ZFHX3: variants seen among roughly 807,000 people sequenced by gnomAD.
ZFHX3 encodes the protein zinc finger homeobox 3, also known as zinc finger homeobox protein 3.
ZFHX3 carries 42 observed loss-of-function variants against 279.1 expected under a neutral mutation model. The ratio of observed to expected loss-of-function variants is 0.15; its 90% confidence interval spans 0.12 to 0.19. The LOEUF (loss-of-function observed/expected upper bound fraction) is 0.19, where lower values mean the gene tolerates loss of function less well. ZFHX3 is among the 10% of genes least tolerant of loss of function. ZFHX3 has a pLI of 1.00. For missense variants in ZFHX3, 4,981 were observed against 4,754.0 expected (o/e 1.05, Z -1.40); for synonymous variants, 2,293 against 1,957.8 (o/e 1.17, Z -4.52).
intron 4 of ZFHX3, among the ~76,000 whole-genome samples, chr16:72,869,366 A>C (rs1298247398): frequency 7.0e-6 from 1 of 142,120 alleles, no homozygotes; most frequent in Non-Finnish European, 1.5e-5. Context: ...GAACACACTG[A>C]TGAGAGCTAA....
intron 3 of ZFHX3, among the ~76,000 whole-genome samples, chr16:73,443,327 A>G (rs1243777497): frequency 6.6e-6 from 1 of 152,200 alleles, no homozygotes; most frequent in Non-Finnish European, 1.5e-5. Context: ...CTGTGTGTAC[A>G]TTTTTCTTAA....
At chr16:73,578,572 T>G (rs896151171) in intron 2 of ZFHX3, among the ~76,000 whole-genome samples, 1 of 152,094 alleles carries the variant, frequency 6.6e-6, no homozygotes, top group Non-Finnish European at 1.5e-5. Flanking sequence ...AACACTAACA[T>G]GTAATACAAA....
intron 3 of ZFHX3, among the ~76,000 whole-genome samples, chr16:73,334,847 T>A (rs2015882176): frequency 9.2e-6 from 1 of 109,252 alleles, no homozygotes; most frequent in Non-Finnish European, 1.9e-5. Flanking sequence ...GCAAAATGAA[T>A]GCTTTCTGAA....
At chr16:73,173,008 G>GTTTTTTTTTTTTTTTT (rs869289153) in intron 5 of ZFHX3, among the ~76,000 whole-genome samples, 1 of 49,956 alleles carries the variant, frequency 2.0e-5, no homozygotes, top group Non-Finnish European at 3.2e-5. Flanking sequence ...TTTTTTTTTT[G>GTTTTTTTTTTTTTTTT]TTTTTTTTTT....
At chr16:72,970,491 C>T (rs892428337) in intron 1 of ZFHX3, among the ~76,000 whole-genome samples, 27 of 152,114 alleles carry the variant, frequency 1.8e-4, no homozygotes, top group Non-Finnish European at 3.1e-4. Context: ...GACTGGTGCT[C>T]CTGACTTGGA....
intron 7 of ZFHX3, among the ~76,000 whole-genome samples, chr16:73,122,844 G>A (rs890180500): frequency 6.6e-6 from 1 of 152,020 alleles, no homozygotes; most frequent in African/African-American, 2.4e-5. Flanking sequence ...GTGGAGGAGC[G>A]AGAAGGAGAG....
At chr16:73,658,852 C>A (rs1478920660) in intron 2 of ZFHX3, among the ~76,000 whole-genome samples, 1 of 152,022 alleles carries the variant, frequency 6.6e-6, no homozygotes, top group Non-Finnish European at 1.5e-5. Context: ...AGTATAACAA[C>A]CAAAATTTCC....
chr16:73,206,375 A>G (rs947877258), intron 5 of ZFHX3, among the ~76,000 whole-genome samples: 1 of 152,180 alleles, frequency 6.6e-6, no homozygotes, highest in East Asian at 1.9e-4. Context: ...ATAGTTAATG[A>G]AGAGATCTGG....
chr16:73,393,130 T>C (rs1478926020), intron 3 of ZFHX3, among the ~76,000 whole-genome samples: 2 of 152,198 alleles, frequency 1.3e-5, no homozygotes, highest in Non-Finnish European at 2.9e-5. Context: ...CCACCATGCC[T>C]GGCCAGGAAA....
chr16:73,659,927 C>T (rs2052763191), intron 2 of ZFHX3, among the ~76,000 whole-genome samples: 1 of 152,032 alleles, frequency 6.6e-6, no homozygotes, highest in Non-Finnish European at 1.5e-5. Context: ...ATTGATGGAG[C>T]GAGGTTGGTC....
chr16:73,722,271 T>A (rs543558331), intron 1 of ZFHX3, among the ~76,000 whole-genome samples: 5 of 152,284 alleles, frequency 3.3e-5, no homozygotes, highest in East Asian at 3.9e-4. Flanking sequence ...GAGGGTGATA[T>A]GGTACTCGAT....
Position 72,797,378 on chromosome 16 carries a change from C to A in ZFHX3, c.5304G>T (p.Gln1768His). The A allele has an allele frequency of 1.2e-6, 2 of 1,604,280 alleles. No individual in the cohort carries two copies. Among genetic ancestry groups the A allele is most frequent in the South Asian group, 1.1e-5 (1 of 88,370 alleles). ...GGAGGGTGGGGTTAAACAGCTGAGA[C>A]TGGATCAGGGCAGCCTGTTGCTGCA... is the stretch of plus-strand genomic sequence containing the variant. ...QELQQQAALI[Q>H]SQLFNPTLLP... The change falls in exon 9 of 10, where the codon CAG (glutamine) becomes CAT (histidine). Residue 1768 changes from glutamine to histidine, a missense_variant. Physicochemically the swap from Gln to His is conservative, Grantham distance 24. Around this residue, in one of 7 missense-constraint regions of ZFHX3, gnomAD observed 1,751 missense variants for 1,770.0 expected, o/e 0.99. Transcript: ENST00000268489.
intron 2 of ZFHX3, among the ~76,000 whole-genome samples, chr16:73,512,310 T>C (rs1357987778): frequency 7.0e-6 from 1 of 141,990 alleles, no homozygotes; most frequent in Non-Finnish European, 1.5e-5. Flanking sequence ...TAGCTGGGCA[T>C]GGTGGTGCGT....
intron 1 of ZFHX3, among the ~76,000 whole-genome samples, chr16:73,039,020 G>A (rs574279417): frequency 1.3e-5 from 2 of 150,876 alleles, no homozygotes; most frequent in African/African-American, 2.4e-5. Flanking sequence ...GGCTGGCCTC[G>A]AACCCCTGGG....
At chr16:72,888,175 A>C (rs924078439) in intron 4 of ZFHX3, among the ~76,000 whole-genome samples, 2 of 152,226 alleles carry the variant, frequency 1.3e-5, no homozygotes, top group Admixed American at 1.3e-4. Flanking sequence ...TTCTCCATAA[A>C]GTTTATGTAA....
intron 2 of ZFHX3, among the ~76,000 whole-genome samples, chr16:73,507,628 T>C (rs983974206): frequency 2.0e-5 from 3 of 151,440 alleles, no homozygotes; most frequent in African/African-American, 7.3e-5. Flanking sequence ...CCCAAGTAGC[T>C]GGGACTACAG....
chr16:72,918,869 T>G (rs1018732560), intron 3 of ZFHX3, among the ~76,000 whole-genome samples: 1 of 151,984 alleles, frequency 6.6e-6, no homozygotes, highest in African/African-American at 2.4e-5. Flanking sequence ...CTAATTTTTT[T>G]GTATTTTTAG....
At chr16:72,830,640 C>T (rs1746307492) in intron 4 of ZFHX3, among the ~76,000 whole-genome samples, 5 of 152,194 alleles carry the variant, frequency 3.3e-5, no homozygotes, top group Admixed American at 2.0e-4. Flanking sequence ...AGAATGACGG[C>T]TGCCAACGCT....
At chr16:73,821,084 G>T (rs193409) in intron 1 of ZFHX3, among the ~76,000 whole-genome samples, 3 of 152,136 alleles carry the variant, frequency 2.0e-5, no homozygotes, top group Non-Finnish European at 4.4e-5. Flanking sequence ...GAGAAACACA[G>T]ATTCAAAAAC....
Sources: allele counts gnomAD v4.1 joint callset (sites outside exome capture counted in the v4.1 genomes callset), GRCh38; gene constraint gnomAD v4.1.1; regional missense constraint gnomAD v4.1.1; transcripts MANE v1.5; gene names NCBI Gene and HGNC (gene_info 2026-07-23, HGNC 2026-07-21).